The following ZNF195 variants were observed in gnomAD, a reference collection of about 807,000 sequenced individuals.
ZNF195 encodes hypoxia-regulated factor-1.
ZNF195 carries 11 observed loss-of-function variants against 19.5 expected under a neutral mutation model. The observed-to-expected ratio is 0.57, with a 90% CI of 0.36 to 0.94. The LOEUF (loss-of-function observed/expected upper bound fraction) is 0.94, where lower values mean the gene tolerates loss of function less well. Among genes scored for constraint, ZNF195 ranks in the 40% least tolerant of loss-of-function variants. The pLI is 0.01. For missense variants in ZNF195, 582 were observed against 709.0 expected (o/e 0.82, Z 2.03); for synonymous variants, 214 against 248.1 (o/e 0.86, Z 1.29).
rs111301313 is a variant in ZNF195, at chr11:3,362,940, C to T, written c.227-1051G>A. 1,262 of 163,810 alleles carry T rather than the reference C, an allele frequency of 7.7e-3. 12 individuals carry two copies. The highest frequency in any genetic ancestry group is 0.029 in the South Asian group (144 of 4,950). The allele number at this position is 163,810 out of a possible 1,614,324, so 10.1% of individuals were successfully genotyped here. On this transcript the variant is annotated intron_variant, in intron 3 of 5. Transcript: ENST00000399602. ...AATGAAATGAGAGCAGAAGAGGTTA[C>T]AATTGTATTATGCAAAATACATCTT...
At chr11:3,365,629 T>C (rs1159658941) in intron 3 of ZNF195, among the ~76,000 whole-genome samples, 1 of 152,206 alleles carries the variant, frequency 6.6e-6, no homozygotes, top group East Asian at 1.9e-4. Flanking sequence ...GATTTTTTAA[T>C]GCTAAAATTA....
At position 3,361,762 on chromosome 11, in the gene ZNF195, A is replaced by C; in HGVS notation, c.354T>G (p.Val118=). 1 of 1,295,454 alleles carries C rather than the reference A, an allele frequency of 7.7e-7. No homozygotes were observed. Among genetic ancestry groups the C allele is most frequent in the Non-Finnish European group, 1.0e-6 (1 of 981,466 alleles). 80.2% of individuals were successfully genotyped at this position (1,295,454 alleles called of 1,614,324 possible). Reference sequence around the variant, plus strand: ...GATTACCAGTGAATTTGTCCACAGAAACATTGAGGCCTGGCTGGGCACGGT... The same window carrying C: ...GATTACCAGTGAATTTGTCCACAGACACATTGAGGCCTGGCTGGGCACGGT... ...VNHRAQPGLN[V]SVDKFTALCS... is the part of the protein sequence containing the mutation. The change falls in exon 4 of 6, where the codon GTT becomes GTG. Residue 118 remains valine, a synonymous_variant. Coordinates refer to ENST00000399602, the MANE Select transcript of ZNF195 (RefSeq NM_001130520.3).
At chr11:3,376,306 C>A (rs1170764027) in intron 1 of ZNF195, among the ~76,000 whole-genome samples, 1 of 151,348 alleles carries the variant, frequency 6.6e-6, no homozygotes, top group Non-Finnish European at 1.5e-5. Flanking sequence ...ACATAAAATA[C>A]ACTAACACTA....
chr11:3,362,581 A>C, intron 3 of ZNF195: 1 of 601,084 alleles, frequency 1.7e-6, no homozygotes, highest in Non-Finnish European at 3.0e-6. Context: ...TATAATTTCC[A>C]TGGTAACCAC....
intron 1 of ZNF195, among the ~76,000 whole-genome samples, chr11:3,373,976 C>T (rs369502449): frequency 5.9e-4 from 90 of 152,322 alleles, no homozygotes; most frequent in African/African-American, 2.1e-3. Flanking sequence ...GAGCTCAACT[C>T]GTACAAATGC....
intron 1 of ZNF195, among the ~76,000 whole-genome samples, chr11:3,372,326 C>T (rs1849249672): frequency 6.6e-6 from 1 of 152,138 alleles, no homozygotes; most frequent in Non-Finnish European, 1.5e-5. Context: ...AGTAAATCTC[C>T]TCAAGGTACT....
chr11:3,358,495 C>CT lies in ZNF195; in HGVS notation c.*622dup, dbSNP rs1249251513. The stretch of plus-strand genomic sequence containing the variant: ...TAAGAGAAAAGAATTTCTCATATCT[C>CT]TGACGCAGCAACAACTGACCATGTG... On this transcript the variant is annotated 3_prime_UTR_variant, in exon 6 of 6. Transcript: ENST00000399602. 1.3e-5 allele frequency: 2 copies of CT among 152,216 alleles called. No individual in the cohort carries two copies. Among genetic ancestry groups the CT allele is most frequent in the Non-Finnish European group, 2.9e-5 (2 of 68,048 alleles). The allele number at this position is 152,216 out of a possible 1,614,324, so 9.4% of individuals were successfully genotyped here.
chr11:3,378,767 C>A (rs1176187945), intron 1 of ZNF195, among the ~76,000 whole-genome samples: 2 of 152,242 alleles, frequency 1.3e-5, no homozygotes, highest in African/African-American at 4.8e-5. Context: ...CACAAACCAC[C>A]CACGGAGTCG....
At chr11:3,371,782 C>T (rs1849225634) in intron 1 of ZNF195, 79 bp from the exon 2 acceptor site, 1 of 1,453,718 alleles carries the variant, frequency 6.9e-7, no homozygotes, top group South Asian at 1.3e-5. Flanking sequence ...TTCTGACTTA[C>T]ACAAGTGACT....
At position 3,369,097 on chromosome 11, in the gene ZNF195, A is replaced by G. The variant is rs192388923; in HGVS notation, c.226+1878T>C. 894 of 281,510 alleles carry G rather than the reference A, an allele frequency of 3.2e-3. 12 individuals are homozygous for G. Among genetic ancestry groups the G allele is most frequent in the Non-Finnish European group, 2.8e-3 (398 of 140,296 alleles). 17.4% of individuals were successfully genotyped at this position (281,510 alleles called of 1,614,324 possible). On this transcript the variant is annotated intron_variant, in intron 3 of 5. Coordinates refer to ENST00000399602, the MANE Select transcript of ZNF195 (RefSeq NM_001130520.3). Reference sequence around the variant, plus strand: ...AGCTAAAAAGCTTGTGACACCAAAGACAATTTACAATCAAACTTTTGGATA... The same window carrying G: ...AGCTAAAAAGCTTGTGACACCAAAGGCAATTTACAATCAAACTTTTGGATA...
chr11:3,370,477 T>G (rs1230881116), intron 3 of ZNF195, among the ~76,000 whole-genome samples: 2 of 152,228 alleles, frequency 1.3e-5, no homozygotes, highest in African/African-American at 4.8e-5. Flanking sequence ...GAGTATACAT[T>G]TCTGTAGACT....
chr11:3,360,564 AGCT>A lies in ZNF195; in HGVS notation c.443-2_443del. On this transcript the variant is annotated splice_acceptor_variant and coding_sequence_variant, in exon 6 of 6. Coordinates refer to ENST00000399602, the MANE Select transcript of ZNF195 (RefSeq NM_001130520.3). LOFTEE classifies it high-confidence loss of function. Reference sequence around the variant, plus strand: ...GGTCTTGGGTAAAATGAGAAGACATAGCTGAAAAAAAAAAAAAAAGTTATCCGA... The same window carrying A: ...GGTCTTGGGTAAAATGAGAAGACATAGAAAAAAAAAAAAAAAGTTATCCGA... 6.4e-7 allele frequency: 1 copy of A among 1,559,074 alleles called. No homozygotes were observed. The highest frequency in any genetic ancestry group is 1.4e-5 in the African/African-American group (1 of 70,922).
Position 3,358,279 on chromosome 11 carries a change from G to T in ZNF195, c.*839C>A, listed in dbSNP as rs1848474519. The T allele has an allele frequency of 6.6e-6, 1 of 152,224 alleles. No individual in the cohort carries two copies. Among genetic ancestry groups the T allele is most frequent in the African/African-American group, 2.4e-5 (1 of 41,426 alleles). The allele number at this position is 152,224 out of a possible 1,614,324, so 9.4% of individuals were successfully genotyped here. On this transcript the variant is annotated 3_prime_UTR_variant, in exon 6 of 6. Coordinates refer to ENST00000399602, the MANE Select transcript of ZNF195 (RefSeq NM_001130520.3). ...CACAAGGGACCGTATTGTAAGTCCT[G>T]TGGGAGGGGAAGGGAACGGTCTGAT...
intron 1 of ZNF195, chr11:3,373,530 T>C: frequency 6.9e-7 from 1 of 1,442,128 alleles, no homozygotes; most frequent in Non-Finnish European, 9.5e-7. Context: ...ACACATGACA[T>C]TTCAGGAGCA....
chr11:3,360,394 T>A lies in ZNF195; in HGVS notation c.614A>T (p.Asn205Ile). The A allele has an allele frequency of 6.2e-7, 1 of 1,611,664 alleles. No homozygotes were observed. The highest frequency in any genetic ancestry group is 8.5e-7 in the Non-Finnish European group (1 of 1,179,204). The change falls in exon 6 of 6, where the codon AAC becomes ATC. Residue 205 changes from asparagine (N) to isoleucine (I), a missense_variant. Transcript: ENST00000399602. ...GCTATGGGTAGTTGATGAACATTGG[T>A]TAAGTCCATTATAATCTTTTTGCAA... ...CKLQKDYNGL[N>I]QCSSTTHSKI... is the part of the protein sequence containing the mutation.
Position 3,368,744 on chromosome 11 carries a change from G to A in ZNF195, c.226+2231C>T. On this transcript the variant is annotated intron_variant, in intron 3 of 5. Transcript: ENST00000399602. ...GAGGAAAACTGCCGCAGAGACCAAT[G>A]GGACAGAACAGAGAGCCCAGAATTA... The A allele has an allele frequency of 2.1e-5, 9 of 428,536 alleles. 1 individual carries two copies. Among genetic ancestry groups the A allele is most frequent in the South Asian group, 1.0e-4 (6 of 60,114 alleles). 26.5% of individuals were successfully genotyped at this position (428,536 alleles called of 1,614,324 possible). A position where few individuals can be genotyped will look rare whatever the true frequency, so the allele number is the denominator to read the frequency against.
At chr11:3,362,481 G>A in intron 3 of ZNF195, 2 of 420,990 alleles carry the variant, frequency 4.8e-6, no homozygotes, top group South Asian at 5.3e-5. Flanking sequence ...CAAAGTTGAG[G>A]GCAGATTTAA....
At chr11:3,372,534 T>C (rs1359679463) in intron 1 of ZNF195, among the ~76,000 whole-genome samples, 2 of 152,320 alleles carry the variant, frequency 1.3e-5, no homozygotes, top group African/African-American at 2.4e-5. Context: ...CTTAGTGTTA[T>C]GCAAAGTTCA....
At position 3,359,557 on chromosome 11, in the gene ZNF195, T is replaced by C. The variant is rs1158447554; in HGVS notation, c.1451A>G (p.His484Arg). 5 of 1,614,066 alleles carry C rather than the reference T, an allele frequency of 3.1e-6. No homozygotes were observed. The highest frequency in any genetic ancestry group is 2.7e-5 in the African/African-American group (2 of 74,928). Residue 484 changes from histidine to arginine, a missense_variant, in exon 6 of 6, where the codon CAT becomes CGT. By Grantham distance (29) the His-to-Arg change is conservative. Around this residue, in one of 3 missense-constraint regions of ZNF195, gnomAD observed 407 missense variants for 530.5 expected, o/e 0.77. Transcript: ENST00000399602. The surrounding 1 kb of genome is among the most constrained non-coding windows in gnomAD (Gnocchi z 5.5). ...VFRTCSSLSN[H>R]KRTHSEEKPY... is the part of the protein sequence containing the mutation. ...TTTTTCTTCAGAATGAGTTCTCTTA[T>C]GGTTAGAAAGGCTTGAGCAAGTTCT...
Sources: allele counts gnomAD v4.1 joint callset (sites outside exome capture counted in the v4.1 genomes callset), GRCh38; gene constraint gnomAD v4.1.1; regional missense constraint gnomAD v4.1.1; non-coding constraint Gnocchi (gnomAD v3.1); transcripts MANE v1.5; gene names NCBI Gene and HGNC (gene_info 2026-07-23, HGNC 2026-07-21).